The following IQCH variants were observed in gnomAD, a reference collection of about 807,000 sequenced individuals.
IQCH encodes the protein IQ domain-containing protein H.
IQCH carries 98 observed loss-of-function variants against 117.0 expected under a neutral mutation model. That is an observed-to-expected ratio of 0.84 (90% CI 0.71 to 0.99). IQCH has a LOEUF of 0.99. Ranked by LOEUF, IQCH falls within the 50% of genes least tolerant of loss-of-function variation. IQCH has a pLI of 0.00. For synonymous variants in IQCH, 412 were observed against 448.2 expected (o/e 0.92, Z 1.02); for missense variants, 1,102 against 1,243.8 (o/e 0.89, Z 1.72).
At chr15:67,265,095 A>G (rs1370064785) in intron 3 of IQCH, among the ~76,000 whole-genome samples, 1 of 152,206 alleles carries the variant, frequency 6.6e-6, no homozygotes, top group East Asian at 1.9e-4. Context: ...AAAGAATCCA[A>G]TACTCAAGTT....
chr15:67,289,038 G>A (rs1215472403), intron 4 of IQCH, among the ~76,000 whole-genome samples: 1 of 152,048 alleles, frequency 6.6e-6, no homozygotes, highest in African/African-American at 2.4e-5. Flanking sequence ...TGGCTTATCT[G>A]GGGGGAACCC....
At chr15:67,497,516 CAG>C (rs1311798760) in intron 20 of IQCH, among the ~76,000 whole-genome samples, 1 of 151,874 alleles carries the variant, frequency 6.6e-6, no homozygotes, top group East Asian at 1.9e-4. Flanking sequence ...TTTTTTGAGA[CAG>C]AGTCTCACTC....
chr15:67,350,637 A>G (rs1045907985), intron 6 of IQCH, among the ~76,000 whole-genome samples: 3 of 152,154 alleles, frequency 2.0e-5, no homozygotes, highest in African/African-American at 7.2e-5. Context: ...CATGTTGGCC[A>G]GGATGGTCTC....
At chr15:67,482,739 C>T (rs901945906) in intron 18 of IQCH, among the ~76,000 whole-genome samples, 3 of 151,994 alleles carry the variant, frequency 2.0e-5, no homozygotes, top group Admixed American at 6.6e-5. Flanking sequence ...TGGATAAACA[C>T]GAACAAAAAG....
Position 67,372,571 on chromosome 15 carries a change from C to T in IQCH, c.1214C>T (p.Ala405Val). ...TGGGCATCAGGTGTGATTGCCATTGCTTGGCTGTTATATTGCCATAAGACT... is the reference window on the plus strand; with the variant it reads ...TGGGCATCAGGTGTGATTGCCATTGTTTGGCTGTTATATTGCCATAAGACT... ...QKWASGVIAI[A>V]WLLYCHKTRL... The change falls in exon 9 of 21, where the codon GCT (alanine) becomes GTT (valine). Residue 405 changes from alanine to valine, a missense_variant. Transcript: ENST00000335894. 6.2e-7 allele frequency: 1 copy of T among 1,614,006 alleles called. No individual in the cohort carries two copies.
rs192120183 is a variant in IQCH at position 67,481,400 on chromosome 15, C to T, written c.2799+5582C>T. Among the ~76,000 whole-genome samples, 30 of 152,264 alleles carry T rather than the reference C, an allele frequency of 2.0e-4. No homozygotes were observed. Among genetic ancestry groups the T allele is most frequent in the Admixed American group, 1.8e-3 (27 of 15,288 alleles). On this transcript the variant is annotated intron_variant, in intron 18 of 20. Coordinates refer to ENST00000335894, the MANE Select transcript of IQCH (RefSeq NM_001031715.3). This position sits in a 1 kb window ranked among gnomAD's most constrained non-coding sequence, Gnocchi z 4.1. The stretch of plus-strand genomic sequence containing the variant: ...AAGGGGGAACATCCCCTTATAAAAT[C>T]ATCAGATTGAGTGAGAACTCACTCA...
In IQCH at chr15:67,406,328, G is replaced by A. The variant is rs1035359148; in HGVS notation, c.2097+6023G>A. ...GGTGGGAGTTGGCTTGAGGCCAGGA[G>A]TTCAAGACCAGCCTGGGCAATATAG... On this transcript the variant is annotated intron_variant, in intron 14 of 20. Transcript: ENST00000335894. This position sits in a 1 kb window ranked among gnomAD's most constrained non-coding sequence, Gnocchi z 4.5. The A allele has an allele frequency of 2.6e-5, 4 of 152,204 alleles. No individual in the cohort carries two copies. Among genetic ancestry groups the A allele is most frequent in the Non-Finnish European group, 5.9e-5 (4 of 68,118 alleles). The allele number at this position is 152,204 out of a possible 1,614,324, so 9.4% of individuals were successfully genotyped here.
intron 4 of IQCH, among the ~76,000 whole-genome samples, chr15:67,317,387 T>C (rs796972674): frequency 6.6e-5 from 10 of 152,078 alleles, no homozygotes; most frequent in African/African-American, 2.4e-4. Context: ...ATTTTTTAAG[T>C]AGAGATAGGG....
rs1353234457 is a variant in IQCH at position 67,457,422 on chromosome 15, T to G, written c.2506-7705T>G. Among the ~76,000 whole-genome samples, 3 of 152,188 alleles carry G rather than the reference T, an allele frequency of 2.0e-5. No individual in the cohort carries two copies. Among genetic ancestry groups the G allele is most frequent in the Non-Finnish European group, 4.4e-5 (3 of 68,034 alleles). ...GTGTTCTGTTTATAATAGCTGGGAT[T>G]CTGAGGCCTGTATTTAAATAGCATC... On this transcript the variant is annotated intron_variant, in intron 16 of 20. Coordinates refer to ENST00000335894, the MANE Select transcript of IQCH (RefSeq NM_001031715.3). This position sits in a 1 kb window ranked among gnomAD's most constrained non-coding sequence, Gnocchi z 5.7.
At chr15:67,326,040 G>A (rs1455362226) in intron 4 of IQCH, among the ~76,000 whole-genome samples, 1 of 152,074 alleles carries the variant, frequency 6.6e-6, no homozygotes, top group Non-Finnish European at 1.5e-5. Context: ...ATGTGTGTGC[G>A]TGTGCCATGT....
At chr15:67,485,931 AC>A (rs1409554704) in intron 18 of IQCH, among the ~76,000 whole-genome samples, 1 of 152,046 alleles carries the variant, frequency 6.6e-6, no homozygotes, top group East Asian at 1.9e-4. Flanking sequence ...TGCTGGGATT[AC>A]AGGCATGAGC....
intron 4 of IQCH, among the ~76,000 whole-genome samples, chr15:67,309,350 T>C (rs1344504424): frequency 2.0e-5 from 3 of 152,112 alleles, no homozygotes; most frequent in African/African-American, 7.2e-5. Flanking sequence ...CTATTTAATA[T>C]TTTACATGAT....
chr15:67,400,449 C>T (rs1971609541), intron 14 of IQCH, 144 bp downstream of exon 14: 3 of 555,728 alleles, frequency 5.4e-6, no homozygotes, highest in Admixed American at 3.1e-5. Context: ...GACCTTTTTC[C>T]TTATATACAC....
Position 67,372,463 on chromosome 15 carries a change from A to G in IQCH, c.1106A>G (p.Asn369Ser), listed in dbSNP as rs1251839285. The change falls in exon 9 of 21, where the codon AAT becomes AGT. Residue 369 changes from asparagine to serine, a missense_variant. Asn to Ser is a conservative substitution (Grantham distance 46). Transcript: ENST00000335894. ...PGQRYKGQDGNSEAAMKIQAT... is the reference protein window; with the variant it reads ...PGQRYKGQDGSSEAAMKIQAT... ...CAAAGGTACAAGGGCCAAGATGGAA[A>G]TTCGGAGGCCGCCATGAAGATCCAA... 1 of 1,614,064 alleles carries G rather than the reference A, an allele frequency of 6.2e-7. No individual in the cohort carries two copies. The highest frequency in any genetic ancestry group is 1.1e-5 in the South Asian group (1 of 91,064).
At chr15:67,261,065 C>T (rs1965437695) in intron 1 of IQCH, among the ~76,000 whole-genome samples, 1 of 142,564 alleles carries the variant, frequency 7.0e-6, no homozygotes, top group African/African-American at 2.6e-5. Flanking sequence ...CATTGCATTC[C>T]AGTCTGAGCA....
rs2140964092 is a variant in IQCH at position 67,440,452 on chromosome 15, T to C, written c.2505+18875T>C. ...ACAAACCAATATCCTTGATGAACAT[T>C]GATGCTAAAATCTTTAACAAAATAC... On this transcript the variant is annotated intron_variant, in intron 16 of 20. Coordinates refer to ENST00000335894, the MANE Select transcript of IQCH (RefSeq NM_001031715.3). 1.3e-5 allele frequency among the ~76,000 whole-genome samples: 2 copies of C among 152,246 alleles called. 1 individual carries two copies. Among genetic ancestry groups the C allele is most frequent in the South Asian group, 4.1e-4 (2 of 4,820 alleles).
chr15:67,452,739 T>C (rs1226542075), intron 16 of IQCH, among the ~76,000 whole-genome samples: 8 of 152,248 alleles, frequency 5.3e-5, no homozygotes, highest in Non-Finnish European at 1.5e-5. Flanking sequence ...CTTTGTGGCA[T>C]TCTCTGTATT....
intron 20 of IQCH, among the ~76,000 whole-genome samples, chr15:67,497,329 A>G (rs1044079672): frequency 2.0e-5 from 3 of 152,040 alleles, no homozygotes; most frequent in Non-Finnish European, 4.4e-5. Context: ...GTCTCAAAAA[A>G]AAAGAAAGAA....
At chr15:67,258,127 A>ACCC (rs1965300911) in intron 1 of IQCH, among the ~76,000 whole-genome samples, 2 of 151,856 alleles carry the variant, frequency 1.3e-5, no homozygotes, top group South Asian at 2.1e-4. Flanking sequence ...GCTACTTGGG[A>ACCC]GGCTGAGGCA....
Sources: gnomAD v4.1 joint callset for allele counts (sites outside exome capture counted in the v4.1 genomes callset) on GRCh38, gnomAD v4.1.1 for gene constraint, Gnocchi (gnomAD v3.1) non-coding constraint, MANE v1.5 for transcripts, NCBI Gene and HGNC (gene_info 2026-07-23, HGNC 2026-07-21) for gene names.